The following NAV1 variants were observed in gnomAD, a reference collection of about 807,000 sequenced individuals.
NAV1 encodes the protein neuron navigator 1.
Under a neutral mutation model 175.2 loss-of-function variants are expected in NAV1, and 18 were observed. The ratio of observed to expected loss-of-function variants is 0.10; its 90% CI spans 0.07 to 0.15. The LOEUF (loss-of-function observed/expected upper bound fraction) is 0.15, where lower values mean the gene tolerates loss of function less well. Among genes scored for constraint, NAV1 ranks in the 10% least tolerant of loss-of-function variants. The pLI is 1.00. For missense variants in NAV1, 1,731 were observed against 2,436.6 expected, an observed-to-expected ratio of 0.71 and a Z score of 6.10; for synonymous variants, 897 against 978.7, an observed-to-expected ratio of 0.92 and a Z score of 1.56.
At chr1:201,790,430 T>A in intron 11 of NAV1, 124 bp from the exon 16 acceptor site, 1 of 1,073,046 alleles carries the variant, frequency 9.3e-7, no homozygotes, top group African/African-American at 1.6e-5. Flanking sequence ...AGTTTCAGCC[T>A]CTCTGCACCT....
chr1:201,639,161 G>A (rs1200901143), intron 2 of NAV1, among the ~76,000 whole-genome samples: 1 of 152,232 alleles, frequency 6.6e-6, no homozygotes, highest in Admixed American at 6.5e-5. Flanking sequence ...GGTCAGGCCT[G>A]GAGCAGGGGC....
chr1:201,672,794 G>A (rs1670092080), intron 1 of NAV1, among the ~76,000 whole-genome samples: 1 of 152,220 alleles, frequency 6.6e-6, no homozygotes, highest in Non-Finnish European at 1.5e-5. Context: ...AGATGCTTCT[G>A]GAAGGCAAGC....
chr1:201,630,160 T>C (rs982119905), intron 2 of NAV1, among the ~76,000 whole-genome samples: 1 of 152,152 alleles, frequency 6.6e-6, no homozygotes, highest in African/African-American at 2.4e-5. Context: ...AGGCCCTAAG[T>C]GGGTCAGATT....
At chr1:201,783,442 A>G in exon 7 of NAV1, 1 of 1,614,094 alleles carries the variant, frequency 6.2e-7, no homozygotes, top group South Asian at 1.1e-5. Context: ...CACCCTCACT[A>G]GCCAATCTTG....
intron 2 of NAV1, among the ~76,000 whole-genome samples, chr1:201,605,855 TG>T (rs139333528): frequency 6.6e-6 from 1 of 151,966 alleles, no homozygotes; most frequent in Non-Finnish European, 1.5e-5. Context: ...CTAAGCACTG[TG>T]GGGGGGTGTG....
chr1:201,764,879 G>A (rs1467267062), intron 3 of NAV1, among the ~76,000 whole-genome samples: 1 of 152,240 alleles, frequency 6.6e-6, no homozygotes, highest in Non-Finnish European at 1.5e-5. Flanking sequence ...TGGCAAGATG[G>A]CGTCTGTGAA....
chr1:201,785,677 G>A (rs548773060), intron 8 of NAV1, among the ~76,000 whole-genome samples: 1 of 152,198 alleles, frequency 6.6e-6, no homozygotes, highest in East Asian at 1.9e-4. Context: ...AAAAGTATGA[G>A]GGAGAACAGT....
At chr1:201,548,772 A>G (rs1665741697) in intron 1 of NAV1, among the ~76,000 whole-genome samples, 1 of 152,260 alleles carries the variant, frequency 6.6e-6, no homozygotes, top group Admixed American at 6.5e-5. Context: ...ATTGGGAGGA[A>G]GAAAAGGAGA....
chr1:201,781,395 G>T, intron 5 of NAV1, 86 bp downstream of exon 9: 1 of 1,324,898 alleles, frequency 7.5e-7, no homozygotes, highest in South Asian at 1.5e-5. Context: ...CCCATAGGAT[G>T]ATAGCAAACA....
chr1:201,703,139 C>A (rs2102447811), intron 1 of NAV1, among the ~76,000 whole-genome samples: 1 of 152,344 alleles, frequency 6.6e-6, no homozygotes, highest in Admixed American at 6.5e-5. Flanking sequence ...ATAACAACCA[C>A]TCCCAGCTCC....
At chr1:201,626,962 TAA>T (rs1373478882) in intron 1 of NAV1, among the ~76,000 whole-genome samples, 1 of 152,222 alleles carries the variant, frequency 6.6e-6, no homozygotes, top group African/African-American at 2.4e-5. Context: ...AAATTAGAGA[TAA>T]AGCCTGCCTT....
intron 1 of NAV1, among the ~76,000 whole-genome samples, chr1:201,627,937 G>A (rs1001636698): frequency 1.3e-5 from 2 of 151,650 alleles, no homozygotes; most frequent in Admixed American, 6.6e-5. Flanking sequence ...TCAGGAGTTC[G>A]AGACCAGCCT....
chr1:201,700,054 C>T (rs981322405), intron 1 of NAV1, among the ~76,000 whole-genome samples: 2 of 152,162 alleles, frequency 1.3e-5, no homozygotes, highest in Non-Finnish European at 2.9e-5. Context: ...GACTAAAACA[C>T]CAAAAGCAAT....
At position 201,788,695 on chromosome 1, in the gene NAV1, C is replaced by A; in HGVS notation, c.3166+57C>A. The A allele has an allele frequency of 6.7e-7, 1 of 1,501,846 alleles. No homozygotes were observed. The highest frequency in any genetic ancestry group is 9.1e-7 in the Non-Finnish European group (1 of 1,102,980). The allele number at this position is 1,501,846 out of a possible 1,614,324, so 93.0% of individuals were successfully genotyped here. A position where few individuals can be genotyped will look rare whatever the true frequency, so the allele number is the denominator to read the frequency against. ...ATTCCAGCTCTGCTGGGTCCCCTCA[C>A]CCACCACCTCCACTCCCACCACTCC... On this transcript the variant is annotated intron_variant, in intron 10 of 29. Transcript: ENST00000367296. The surrounding 1 kb of genome is among the most constrained non-coding windows in gnomAD (Gnocchi z 5.7).
At chr1:201,707,210 A>G (rs1299701232) in intron 1 of NAV1, among the ~76,000 whole-genome samples, 2 of 152,158 alleles carry the variant, frequency 1.3e-5, no homozygotes, top group Non-Finnish European at 2.9e-5. Context: ...AGGTCCGTTG[A>G]GCTGCACCCT....
At chr1:201,602,637 G>GTTTTTTTTTTTTTGGT (rs386369319) in intron 2 of NAV1, among the ~76,000 whole-genome samples, 2 of 114,442 alleles carry the variant, frequency 1.7e-5, no homozygotes, top group Non-Finnish European at 3.8e-5. Flanking sequence ...CTTAAGCTAT[G>GTTTTTTTTTTTTTGGT]TTTTTTTTTT....
In NAV1 at chr1:201,760,370, T is replaced by A. The variant is rs1481724690; in HGVS notation, c.1227-20051T>A. ...AATAAATAAATAGATTAAACTTTTT[T>A]AAAAAAGAATATTATGTTTTAAAAG... On this transcript the variant is annotated intron_variant, in intron 3 of 29. Coordinates refer to ENST00000367296, the Ensembl canonical transcript of NAV1. 2.6e-5 allele frequency among the ~76,000 whole-genome samples: 4 copies of A among 152,214 alleles called. No homozygotes were observed. In the East Asian group the frequency reaches 5.8e-4, roughly 22 times the overall value.
upstream of NAV1, among the ~76,000 whole-genome samples, chr1:201,621,316 A>C (rs1399804635): frequency 6.7e-6 from 1 of 148,888 alleles, no homozygotes; most frequent in Non-Finnish European, 1.5e-5. Flanking sequence ...TACTTGTTGC[A>C]AGTTTTCTTT....
chr1:201,793,319 TGGA>T, intron 13 of NAV1: 3 of 153,998 alleles, frequency 1.9e-5, no homozygotes, highest in Non-Finnish European at 4.3e-5. Context: ...GGTGAAGCAG[TGGA>T]GTAGCAGAGG....
Sources: allele counts gnomAD v4.1 joint callset (sites outside exome capture counted in the v4.1 genomes callset), GRCh38; gene constraint gnomAD v4.1.1; non-coding constraint Gnocchi (gnomAD v3.1); transcripts MANE v1.5; gene names NCBI Gene and HGNC (gene_info 2026-07-23, HGNC 2026-07-21).